ADAD1: variants seen among roughly 807,000 people sequenced by gnomAD.
ADAD1 encodes adenosine deaminase domain containing 1, also known as adenosine deaminase domain-containing protein 1.
ADAD1 carries 46 observed loss-of-function variants against 66.8 expected under a neutral mutation model. That is an observed-to-expected ratio of 0.69 (90% CI 0.54 to 0.88). The LOEUF (loss-of-function observed/expected upper bound fraction) is 0.88. Among genes scored for constraint, ADAD1 ranks in the 40% least tolerant of loss-of-function variants. The probability of loss-of-function intolerance (pLI) is 0.00; values close to 1 mark genes in which losing one functional copy is unlikely to be tolerated. For synonymous variants in ADAD1, 248 were observed against 229.4 expected (o/e 1.08, Z -0.73); for missense variants, 617 against 681.8 (o/e 0.91, Z 1.06).
At chr4:122,420,499 A>G (rs1796953097) in intron 11 of ADAD1, among the ~76,000 whole-genome samples, 1 of 152,240 alleles carries the variant, frequency 6.6e-6, no homozygotes, top group Non-Finnish European at 1.5e-5. Flanking sequence ...CACACTGTCT[A>G]TTGTGTTTGC....
chr4:122,383,872 A>G lies in ADAD1; in HGVS notation c.435A>G (p.Gln145=). 1 of 1,614,028 alleles carries G rather than the reference A, an allele frequency of 6.2e-7. No homozygotes were observed. Among genetic ancestry groups the G allele is most frequent in the Non-Finnish European group, 8.5e-7 (1 of 1,179,954 alleles). ...TTCAGTACAAGACTGGACTGGGACA[A>G]AATAAAAAGGAGTCTAGATCCAATG... ...DGIQYKTGLG[Q]NKKESRSNAA... is the part of the protein sequence containing the mutation. The change falls in exon 5 of 13, where the codon CAA becomes CAG. Residue 145 remains glutamine, a synonymous_variant. Coordinates refer to ENST00000296513, the MANE Select transcript of ADAD1 (RefSeq NM_139243.4).
intron 11 of ADAD1, among the ~76,000 whole-genome samples, chr4:122,416,019 AT>A (rs1434349573): frequency 2.6e-5 from 4 of 152,040 alleles, no homozygotes; most frequent in Admixed American, 1.3e-4. Context: ...CAGGAATTAT[AT>A]TTTTTTATGC....
intron 7 of ADAD1, among the ~76,000 whole-genome samples, chr4:122,405,711 G>C (rs1796176790): frequency 6.6e-6 from 1 of 152,094 alleles, no homozygotes; most frequent in Non-Finnish European, 1.5e-5. Context: ...CTCCAAGTTT[G>C]TACCCTTTGA....
chr4:122,408,907 A>AT (rs1402206745), intron 8 of ADAD1, among the ~76,000 whole-genome samples: 1 of 151,820 alleles, frequency 6.6e-6, no homozygotes, highest in Non-Finnish European at 1.5e-5. Context: ...CCTACAATAT[A>AT]TTTTTTTGAA....
rs755421118 is a variant in ADAD1 at position 122,412,554 on chromosome 4, G to T, written c.1020-26G>T. 2.5e-6 allele frequency: 4 copies of T among 1,594,852 alleles called. No individual in the cohort carries two copies. In the African/African-American group the frequency reaches 4.0e-5, roughly 16 times the overall value. ...GTTCTGTCACCTTTGTTTTTTAAAG[G>T]AAGAAACTTTCTTTTCTTTCTCTAG... is the stretch of plus-strand genomic sequence containing the variant. On this transcript the variant is annotated intron_variant, in intron 9 of 12. Transcript: ENST00000296513.
At chr4:122,427,748 C>T (rs1200612399) in intron 12 of ADAD1, among the ~76,000 whole-genome samples, 1 of 151,780 alleles carries the variant, frequency 6.6e-6, no homozygotes, top group Non-Finnish European at 1.5e-5. Context: ...GTTGGCCAGG[C>T]AGGTCTCGAA....
intron 12 of ADAD1, among the ~76,000 whole-genome samples, chr4:122,428,515 A>G (rs1248423293): frequency 3.9e-5 from 6 of 152,226 alleles, no homozygotes; most frequent in African/African-American, 1.4e-4. Flanking sequence ...CAGCTGGTGA[A>G]TACATAAACA....
rs1344007182 is a variant in ADAD1 at position 122,379,386 on chromosome 4, G to C, written c.-68G>C. ...CTCTTCCCTAGGTGACGCAAGACGCGGAGCTCGGCTGCACGACGCTGGCGC... is the reference window on the plus strand; with the variant it reads ...CTCTTCCCTAGGTGACGCAAGACGCCGAGCTCGGCTGCACGACGCTGGCGC... On this transcript the variant is annotated 5_prime_UTR_variant, in exon 2 of 13. Coordinates refer to ENST00000296513, the MANE Select transcript of ADAD1 (RefSeq NM_139243.4). 6.6e-6 allele frequency: 1 copy of C among 152,388 alleles called. No homozygotes were observed. The highest frequency in any genetic ancestry group is 1.5e-5 in the Non-Finnish European group (1 of 68,086). 9.4% of individuals were successfully genotyped at this position (152,388 alleles called of 1,614,324 possible). A position where few individuals can be genotyped will look rare whatever the true frequency, so the allele number is the denominator to read the frequency against.
chr4:122,421,348 T>TA lies in ADAD1; in HGVS notation c.1581dup (p.Glu528ArgfsTer4). 6.2e-7 allele frequency: 1 copy of TA among 1,603,048 alleles called. No individual in the cohort carries two copies. The highest frequency in any genetic ancestry group is 8.5e-7 in the Non-Finnish European group (1 of 1,172,432). ...GGTTTAACCTGCTTGCCAAAGAAGCTAAAAAAGAATTACTTGAAGCTGGTA... is the reference window on the plus strand; with the variant it reads ...GGTTTAACCTGCTTGCCAAAGAAGCTAAAAAAAGAATTACTTGAAGCTGGTA... On this transcript the variant is annotated frameshift_variant, in exon 12 of 13. Transcript: ENST00000296513. LOFTEE classifies it high-confidence loss of function.
At chr4:122,380,272 C>A in intron 3 of ADAD1, 31 bp downstream of exon 3, 2 of 1,585,660 alleles carry the variant, frequency 1.3e-6, no homozygotes, top group South Asian at 1.2e-5. Context: ...AACAATGAGT[C>A]AGTTCTTTAA....
chr4:122,420,144 A>G (rs142066337), intron 11 of ADAD1, among the ~76,000 whole-genome samples: 67 of 152,374 alleles, frequency 4.4e-4, no homozygotes, highest in African/African-American at 1.6e-3. Flanking sequence ...CCACTGCAAC[A>G]AAAGTGTCAT....
chr4:122,385,255 G>A (rs1024929763), intron 5 of ADAD1, among the ~76,000 whole-genome samples: 1 of 151,874 alleles, frequency 6.6e-6, no homozygotes, highest in African/African-American at 2.4e-5. Context: ...TTTGCACATG[G>A]TTTTTTTATG....
chr4:122,398,142 C>A (rs1389388622), intron 7 of ADAD1, among the ~76,000 whole-genome samples: 2 of 151,662 alleles, frequency 1.3e-5, no homozygotes, highest in Non-Finnish European at 2.9e-5. Context: ...CCCTCATCCC[C>A]CCTGCTACCC....
chr4:122,408,796 T>C (rs1037562097), intron 8 of ADAD1, among the ~76,000 whole-genome samples: 1 of 151,992 alleles, frequency 6.6e-6, no homozygotes, highest in African/African-American at 2.4e-5. Context: ...GGTGGGAGGA[T>C]TGATTGAGCC....
At chr4:122,416,954 CATAAA>C (rs1796764874) in intron 11 of ADAD1, among the ~76,000 whole-genome samples, 1 of 152,068 alleles carries the variant, frequency 6.6e-6, no homozygotes, top group South Asian at 2.1e-4. Flanking sequence ...TCACTGAAAA[CATAAA>C]ATAATGGCAT....
At position 122,412,808 on chromosome 4, in the gene ADAD1, T is replaced by C; in HGVS notation, c.1248T>C (p.Ile416=). 4.3e-6 allele frequency: 7 copies of C among 1,612,572 alleles called. No homozygotes were observed. Among genetic ancestry groups the C allele is most frequent in the Non-Finnish European group, 5.1e-6 (6 of 1,178,912 alleles). Residue 416 remains isoleucine (I), a splice_region_variant and synonymous_variant, in exon 10 of 13, where the codon ATT becomes ATC. Transcript: ENST00000296513. ...CAGTTTACATCAGCAGTATACTTAT[T>C]GGTGAGTGGGATTTCAGAACCTCCT... ...IQPVYISSIL[I]GDGNCSDTRG...
At chr4:122,400,046 G>T (rs1795899949) in intron 7 of ADAD1, among the ~76,000 whole-genome samples, 1 of 151,980 alleles carries the variant, frequency 6.6e-6, no homozygotes, top group Non-Finnish European at 1.5e-5. Flanking sequence ...ATGTTGAATA[G>T]AAATGATGAG....
chr4:122,419,991 T>C (rs1796929699), intron 11 of ADAD1, among the ~76,000 whole-genome samples: 2 of 152,170 alleles, frequency 1.3e-5, no homozygotes, highest in South Asian at 2.1e-4. Context: ...TTTACTGTTA[T>C]TGCTGTTACT....
chr4:122,408,903 A>G (rs1345108175), intron 8 of ADAD1, among the ~76,000 whole-genome samples: 1 of 152,036 alleles, frequency 6.6e-6, no homozygotes, highest in Non-Finnish European at 1.5e-5. Flanking sequence ...AAATCCTACA[A>G]TATATTTTTT....
Sources: allele counts gnomAD v4.1 joint callset (sites outside exome capture counted in the v4.1 genomes callset), GRCh38; gene constraint gnomAD v4.1.1; transcripts MANE v1.5; gene names NCBI Gene and HGNC (gene_info 2026-07-23, HGNC 2026-07-21).